The following MYO1D variants were observed in gnomAD, a reference collection of about 807,000 sequenced individuals.
MYO1D encodes the protein myosin ID.
Under a neutral mutation model 122.0 loss-of-function variants are expected in MYO1D, and 83 were observed. That is an observed-to-expected ratio of 0.68 (90% CI 0.57 to 0.82). MYO1D has a LOEUF of 0.82. Among genes scored for constraint, MYO1D ranks in the 40% least tolerant of loss-of-function variants. The pLI, the probability that MYO1D is intolerant of heterozygous loss-of-function variation, is 0.00. For missense variants in MYO1D, 1,157 were observed against 1,269.5 expected (o/e 0.91, Z 1.35); for synonymous variants, 464 against 446.9 (o/e 1.04, Z -0.48).
rs552680224 is a variant in MYO1D, at chr17:32,614,847, G to C, written c.2710-9606C>G. 2.8e-3 allele frequency among the ~76,000 whole-genome samples: 426 copies of C among 152,356 alleles called. 1 individual carries two copies. Among genetic ancestry groups the C allele is most frequent in the Non-Finnish European group, 3.7e-3 (253 of 68,034 alleles). ...CCGTGAGGCAGCCAAACCTCTCAGA[G>C]GGGTCGTGTGCAGGTGCTCTGGTCA... On this transcript the variant is annotated intron_variant, in intron 20 of 21. Transcript: ENST00000318217.
intron 21 of MYO1D, among the ~76,000 whole-genome samples, chr17:32,544,208 G>A (rs901162461): frequency 1.0e-4 from 15 of 149,974 alleles, no homozygotes; most frequent in Admixed American, 6.7e-4. Context: ...TGATCCTCCC[G>A]CCTCAGCCTC....
chr17:32,531,660 C>T (rs1283465807), intron 21 of MYO1D, among the ~76,000 whole-genome samples: 1 of 152,184 alleles, frequency 6.6e-6, no homozygotes, highest in African/African-American at 2.4e-5. Context: ...AAACCTGGCT[C>T]AAGGCATTAA....
rs542562442 is a variant in MYO1D, at chr17:32,613,736, T to TGCACTCCA, written c.2710-8503_2710-8496dup. 6.7e-3 allele frequency among the ~76,000 whole-genome samples: 850 copies of TGCACTCCA among 125,972 alleles called. 4 individuals carry two copies. The highest frequency in any genetic ancestry group is 0.019 in the Middle Eastern group (3 of 154). 82.6% of individuals were successfully genotyped at this position (125,972 alleles called of 152,430 possible). A position where few individuals can be genotyped will look rare whatever the true frequency, so the allele number is the denominator to read the frequency against. ...TTGCAGTGAGCCGAAATAGTGCCAC[T>TGCACTCCA]GCACTCCAGCACTCCAGCACTCCAG... On this transcript the variant is annotated intron_variant, in intron 20 of 21. Transcript: ENST00000318217.
chr17:32,840,243 G>A (rs185081003), intron 1 of MYO1D, among the ~76,000 whole-genome samples: 1 of 152,352 alleles, frequency 6.6e-6, no homozygotes, highest in Admixed American at 6.5e-5. Context: ...AGTTCAGGAA[G>A]CAGCCTGGAG....
intron 16 of MYO1D, among the ~76,000 whole-genome samples, chr17:32,680,234 T>C (rs1245321055): frequency 1.2e-3 from 13 of 10,588 alleles, no homozygotes; most frequent in African/African-American, 5.6e-3. Flanking sequence ...CCTCTTTTCC[T>C]AATTGAATAC....
Position 32,494,604 on chromosome 17 carries a change from G to A in MYO1D, c.*155C>T. ...AGGACAGAGGAAGATGATACCAAAG[G>A]CAGAAAACCAGGAAGGAAATCTTAC... On this transcript the variant is annotated 3_prime_UTR_variant, in exon 22 of 22. Coordinates refer to ENST00000318217, the MANE Select transcript of MYO1D (RefSeq NM_015194.3). The A allele has an allele frequency of 1.1e-6, 1 of 902,386 alleles. No homozygotes were observed. The highest frequency in any genetic ancestry group is 2.7e-5 in the East Asian group (1 of 37,486). 55.9% of individuals were successfully genotyped at this position (902,386 alleles called of 1,614,324 possible). A position where few individuals can be genotyped will look rare whatever the true frequency, so the allele number is the denominator to read the frequency against.
intron 21 of MYO1D, among the ~76,000 whole-genome samples, chr17:32,546,161 G>A (rs2086963378): frequency 6.6e-6 from 1 of 152,146 alleles, no homozygotes; most frequent in African/African-American, 2.4e-5. Context: ...AGCTGTTAAT[G>A]GTTCTGATGC....
chr17:32,640,185 T>A lies in MYO1D; in HGVS notation c.2596-1350A>T, dbSNP rs191325178. Among the ~76,000 whole-genome samples the A allele has an allele frequency of 1.1e-4, 17 of 152,214 alleles. 1 individual carries two copies. The East Asian group carries it at 3.1e-3, about 28-fold the overall frequency. ...GTCTGTAATTGAGAGTAAAATAGAA[T>A]CTATATGGTGGAATAATTATTAGCC... On this transcript the variant is annotated intron_variant, in intron 19 of 21. Coordinates refer to ENST00000318217, the MANE Select transcript of MYO1D (RefSeq NM_015194.3).
At chr17:32,751,998 A>C (rs777419228) in intron 11 of MYO1D, among the ~76,000 whole-genome samples, 4 of 152,186 alleles carry the variant, frequency 2.6e-5, no homozygotes, top group Admixed American at 6.5e-5. Context: ...ACAAAACCAG[A>C]GGCATCACAT....
At chr17:32,850,987 A>C (rs530059795) in intron 1 of MYO1D, among the ~76,000 whole-genome samples, 44 of 152,186 alleles carry the variant, frequency 2.9e-4, no homozygotes, top group African/African-American at 9.9e-4. Flanking sequence ...TAGGCTGCCA[A>C]GTACTATGAA....
intron 1 of MYO1D, among the ~76,000 whole-genome samples, chr17:32,787,576 G>A (rs1463825829): frequency 7.2e-5 from 11 of 152,002 alleles, no homozygotes; most frequent in African/African-American, 1.4e-4. Flanking sequence ...CCACCACCAC[G>A]CCTGGCTAAT....
At chr17:32,623,126 GT>G (rs1417922275) in intron 20 of MYO1D, among the ~76,000 whole-genome samples, 1 of 152,132 alleles carries the variant, frequency 6.6e-6, no homozygotes, top group Non-Finnish European at 1.5e-5. Context: ...CAAAGTAGTA[GT>G]TCAGCTAACT....
At position 32,784,694 on chromosome 17, in the gene MYO1D, T is replaced by C. The variant is rs887171568; in HGVS notation, c.96-3910A>G. On this transcript the variant is annotated intron_variant, in intron 1 of 21. Coordinates refer to ENST00000318217, the MANE Select transcript of MYO1D (RefSeq NM_015194.3). ...GAATTCTGAAACCTTTTTTTTAAAG[T>C]AGCCTTGTTAATTTGCATGTGTCAC... Among the ~76,000 whole-genome samples, 8 of 152,146 alleles carry C rather than the reference T, an allele frequency of 5.3e-5. No homozygotes were observed. In the East Asian group the frequency reaches 1.5e-3, roughly 29 times the overall value.
intron 1 of MYO1D, among the ~76,000 whole-genome samples, chr17:32,852,600 CA>C (rs2090998835): frequency 6.6e-6 from 1 of 152,050 alleles, no homozygotes; most frequent in Non-Finnish European, 1.5e-5. Context: ...AAATAGGGTG[CA>C]AAATTGTCTG....
At chr17:32,522,081 C>CAAAAAA (rs35096680) in intron 21 of MYO1D, among the ~76,000 whole-genome samples, 8 of 63,246 alleles carry the variant, frequency 1.3e-4, no homozygotes, top group South Asian at 1.6e-3. Context: ...GACTCTGTCT[C>CAAAAAA]AAAAAAAAAA....
intron 6 of MYO1D, among the ~76,000 whole-genome samples, chr17:32,769,591 ATTTG>A (rs1054658690): frequency 6.6e-6 from 1 of 152,020 alleles, no homozygotes; most frequent in African/African-American, 2.4e-5. Flanking sequence ...ATTAATTTAT[ATTTG>A]TTTGCATGGA....
intron 21 of MYO1D, among the ~76,000 whole-genome samples, chr17:32,522,960 G>A (rs928068426): frequency 2.4e-4 from 36 of 152,132 alleles, no homozygotes; most frequent in Non-Finnish European, 3.7e-4. Flanking sequence ...GGGACTACAG[G>A]TGCCTGCCAC....
At chr17:32,660,003 A>G (rs1173125006) in intron 16 of MYO1D, among the ~76,000 whole-genome samples, 1 of 152,154 alleles carries the variant, frequency 6.6e-6, no homozygotes, top group African/African-American at 2.4e-5. Context: ...ATTTTTTTTC[A>G]GGATCCTTTG....
chr17:32,664,718 C>T (rs1461945209), intron 16 of MYO1D, among the ~76,000 whole-genome samples: 3 of 152,148 alleles, frequency 2.0e-5, no homozygotes, highest in Non-Finnish European at 2.9e-5. Context: ...AACAGAGAGG[C>T]CTGCTGACAG....
Sources: allele counts gnomAD v4.1 joint callset (sites outside exome capture counted in the v4.1 genomes callset), GRCh38; gene constraint gnomAD v4.1.1; transcripts MANE v1.5; gene names NCBI Gene and HGNC (gene_info 2026-07-23, HGNC 2026-07-21).